PCDHA1: variants seen among roughly 807,000 people sequenced by gnomAD.
The protein encoded by PCDHA1 is protocadherin alpha-1.
A neutral mutation model predicts 61.3 loss-of-function variants in PCDHA1; 42 were observed. The observed-to-expected ratio is 0.69, with a 90% CI of 0.54 to 0.89. The LOEUF is 0.89. Among genes scored for constraint, PCDHA1 ranks in the 40% least tolerant of loss-of-function variants. The pLI, the probability that PCDHA1 is intolerant of heterozygous loss-of-function variation, is 0.00. For synonymous variants in PCDHA1, 610 were observed against 553.8 expected (o/e 1.10, Z -1.43); for missense variants, 1,256 against 1,235.3 (o/e 1.02, Z -0.25).
chr5:140,833,882 G>A (rs1377980583), intron 1 of PCDHA1, among the ~76,000 whole-genome samples: 2 of 151,998 alleles, frequency 1.3e-5, no homozygotes, highest in Non-Finnish European at 2.9e-5. Flanking sequence ...AAGTTTCCTG[G>A]GATCTAGATC....
chr5:140,935,828 A>G (rs1365293166), intron 1 of PCDHA1, among the ~76,000 whole-genome samples: 1 of 152,004 alleles, frequency 6.6e-6, no homozygotes, highest in Non-Finnish European at 1.5e-5. Context: ...GTATTTACAC[A>G]TATTCCATAC....
intron 1 of PCDHA1, among the ~76,000 whole-genome samples, chr5:140,919,193 T>C (rs1444043948): frequency 6.6e-6 from 1 of 152,262 alleles, no homozygotes; most frequent in African/African-American, 2.4e-5. Flanking sequence ...ATTGGTCCTT[T>C]TGTCATTATA....
intron 1 of PCDHA1, among the ~76,000 whole-genome samples, chr5:140,952,160 G>C (rs952147312): frequency 6.6e-6 from 1 of 152,044 alleles, no homozygotes; most frequent in Non-Finnish European, 1.5e-5. Flanking sequence ...GGCTTTGTGG[G>C]GTTCAGTTCC....
Position 140,824,018 on chromosome 5 carries a change from C to G in PCDHA1, c.2394+35334C>G, listed in dbSNP as rs2150131575. ...TGCTCCAGCGCGGTGGGGAGCTGGT[C>G]GTACTCGCAGCAGAGGAGACAGAGG... On this transcript the variant is annotated intron_variant, in intron 1 of 3. Transcript: ENST00000504120. The G allele has an allele frequency of 2.5e-6, 4 of 1,614,112 alleles. No homozygotes were observed. In the South Asian group the frequency reaches 3.3e-5, roughly 13 times the overall value.
intron 1 of PCDHA1, chr5:140,871,350 C>T (rs782168219): frequency 5.6e-6 from 9 of 1,614,194 alleles, no homozygotes; most frequent in Non-Finnish European, 7.6e-6. Flanking sequence ...GCTGGTCATA[C>T]TCGCAGCAGA....
Position 140,850,981 on chromosome 5 carries a change from T to C in PCDHA1, c.2394+62297T>C, listed in dbSNP as rs1554145152. ...CCAGGGGCCGTTCAAATAGTTTTATTCATTTTTCTAGAAATCCAGCAGATT... is the reference window on the plus strand; with the variant it reads ...CCAGGGGCCGTTCAAATAGTTTTATCCATTTTTCTAGAAATCCAGCAGATT... On this transcript the variant is annotated intron_variant, in intron 1 of 3. Coordinates refer to ENST00000504120, the MANE Select transcript of PCDHA1 (RefSeq NM_018900.4). 1.3e-5 allele frequency: 19 copies of C among 1,453,220 alleles called. No individual in the cohort carries two copies. In the East Asian group the frequency reaches 4.5e-4, roughly 35 times the overall value. 90.0% of individuals were successfully genotyped at this position (1,453,220 alleles called of 1,614,324 possible). A position where few individuals can be genotyped will look rare whatever the true frequency, so the allele number is the denominator to read the frequency against.
At chr5:140,821,907 T>G (rs2150111857) in intron 1 of PCDHA1, 1 of 1,614,210 alleles carries the variant, frequency 6.2e-7, no homozygotes, top group East Asian at 2.2e-5. Context: ...GAACCTTCGT[T>G]GGCCGCATCG....
In PCDHA1 at chr5:140,883,010, A is replaced by G. The variant is rs149814661; in HGVS notation, c.2394+94326A>G. 9.8e-4 allele frequency: 1,586 copies of G among 1,614,156 alleles called. 2 individuals carry two copies. The highest frequency in any genetic ancestry group is 1.3e-3 in the Non-Finnish European group (1,478 of 1,180,036). ...CCCGGAATTTTACCAATCCGTTTAT[A>G]AAGTGACGGTGTTAGAGAACGCCTT... On this transcript the variant is annotated intron_variant, in intron 1 of 3. Coordinates refer to ENST00000504120, the MANE Select transcript of PCDHA1 (RefSeq NM_018900.4).
At chr5:140,924,968 C>T (rs1376675912) in intron 1 of PCDHA1, among the ~76,000 whole-genome samples, 1 of 150,880 alleles carries the variant, frequency 6.6e-6, no homozygotes, top group Non-Finnish European at 1.5e-5. Context: ...AAGGTGAGTG[C>T]AGTGGCTCAT....
In PCDHA1 at chr5:140,898,801, A is replaced by T. The variant is rs1275933236; in HGVS notation, c.2395-80148A>T. The stretch of plus-strand genomic sequence containing the variant: ...TGGGCAGTATGGCCATTTTCACGAT[A>T]CTGATTCTTCCTACCCATGAGCATG... On this transcript the variant is annotated intron_variant, in intron 1 of 3. Coordinates refer to ENST00000504120, the MANE Select transcript of PCDHA1 (RefSeq NM_018900.4). Among the ~76,000 whole-genome samples the T allele has an allele frequency of 1.3e-5, 2 of 152,200 alleles. 1 individual carries two copies. The highest frequency in any genetic ancestry group is 3.8e-4 in the East Asian group (2 of 5,198).
chr5:140,809,334 T>G (rs782036778), intron 1 of PCDHA1: 2 of 1,613,974 alleles, frequency 1.2e-6, no homozygotes, highest in African/African-American at 2.7e-5. Context: ...CTCACGCTGC[T>G]GCTGTACACC....
At chr5:140,920,812 C>T (rs575249440) in intron 1 of PCDHA1, among the ~76,000 whole-genome samples, 126 of 151,392 alleles carry the variant, frequency 8.3e-4, no homozygotes, top group Admixed American at 2.4e-3. Flanking sequence ...CCACTGCACT[C>T]CAGCCTGGCG....
chr5:140,863,406 G>A (rs1228817689), intron 1 of PCDHA1: 1 of 800,564 alleles, frequency 1.2e-6, no homozygotes, highest in East Asian at 4.2e-5. Context: ...GCAAGCCCAC[G>A]CTGGTGTACC....
intron 1 of PCDHA1, chr5:140,824,397 TAATTGTAA>T: frequency 1.8e-6 from 1 of 549,260 alleles, no homozygotes; most frequent in Non-Finnish European, 3.2e-6. Context: ...TGTAGGATAA[TAATTGTAA>T]GACATAGTTT....
At chr5:140,949,975 A>AT (rs2153688056) in intron 1 of PCDHA1, among the ~76,000 whole-genome samples, 1 of 152,044 alleles carries the variant, frequency 6.6e-6, no homozygotes, top group South Asian at 2.1e-4. Flanking sequence ...TACAGCATAC[A>AT]TACTTAACTT....
rs782217299 is a variant in PCDHA1 at position 140,788,092 on chromosome 5, C to T, written c.1802C>T (p.Ser601Leu). 42 of 1,613,844 alleles carry T rather than the reference C, an allele frequency of 2.6e-5. No individual in the cohort carries two copies. Among genetic ancestry groups the T allele is most frequent in the Non-Finnish European group, 3.3e-5 (39 of 1,179,910 alleles). The change falls in exon 1 of 4, where the codon TCG becomes TTG. Residue 601 changes from serine to leucine, a missense_variant. By Grantham distance (145) the Ser-to-Leu change is moderately radical. Transcript: ENST00000504120. ...VAKVRAVDAD[S>L]GYNAWLSYEL... is the part of the protein sequence containing the mutation. ...AAGGTGCGCGCAGTGGACGCCGACT[C>T]GGGCTACAACGCGTGGCTGTCCTAT...
At chr5:140,984,227 T>C (rs571404372) in intron 3 of PCDHA1, among the ~76,000 whole-genome samples, 1 of 152,336 alleles carries the variant, frequency 6.6e-6, no homozygotes, top group Admixed American at 6.5e-5. Context: ...CTTGCTCTTA[T>C]GGAGGCATTG....
intron 1 of PCDHA1, chr5:140,843,398 C>T (rs2150359248): frequency 2.5e-6 from 4 of 1,595,994 alleles, no homozygotes; most frequent in African/African-American, 2.7e-5. Flanking sequence ...GGAAGCGGCG[C>T]TGGTGGATGT....
intron 1 of PCDHA1, among the ~76,000 whole-genome samples, chr5:140,906,070 C>T (rs1257687877): frequency 1.3e-5 from 2 of 152,162 alleles, no homozygotes; most frequent in South Asian, 2.1e-4. Flanking sequence ...CTGATTAGAT[C>T]GCACCCACCC....
Sources: gnomAD v4.1 joint callset for allele counts (sites outside exome capture counted in the v4.1 genomes callset) on GRCh38, gnomAD v4.1.1 for gene constraint, MANE v1.5 for transcripts, NCBI Gene and HGNC (gene_info 2026-07-23, HGNC 2026-07-21) for gene names.